Variants in SLC35F1 observed in about 807,000 individuals in gnomAD.
The protein encoded by SLC35F1 is chromosome 6 open reading frame 169.
A neutral mutation model predicts 48.7 loss-of-function variants in SLC35F1; 14 were observed. That is an observed-to-expected ratio of 0.29 (90% CI 0.19 to 0.45). SLC35F1 has a LOEUF of 0.45. Ranked by LOEUF, SLC35F1 falls within the 20% of genes least tolerant of loss-of-function variation. The pLI, the probability that SLC35F1 is intolerant of heterozygous loss-of-function variation, is 1.00. For synonymous variants in SLC35F1, 190 were observed against 202.2 expected (o/e 0.94, Z 0.51); for missense variants, 404 against 500.0 (o/e 0.81, Z 1.83).
chr6:118,068,679 C>T (rs1772653899), intron 1 of SLC35F1, among the ~76,000 whole-genome samples: 1 of 152,100 alleles, frequency 6.6e-6, no homozygotes, highest in African/African-American at 2.4e-5. Flanking sequence ...TTAGAGACAA[C>T]CATAACCAAA....
chr6:118,215,687 G>A (rs74956872), intron 2 of SLC35F1, among the ~76,000 whole-genome samples: 2,907 of 152,284 alleles, frequency 0.019, 65 homozygotes, highest in Middle Eastern at 0.048. Context: ...AAAATGGCCT[G>A]TTTATCCTAG....
chr6:118,008,353 G>A (rs1264862881), intron 1 of SLC35F1, among the ~76,000 whole-genome samples: 2 of 152,166 alleles, frequency 1.3e-5, no homozygotes, highest in East Asian at 1.9e-4. Context: ...AGATTATGTA[G>A]GGTGTGCACA....
chr6:117,945,992 T>C (rs75488357), intron 1 of SLC35F1, among the ~76,000 whole-genome samples: 3,042 of 152,298 alleles, frequency 0.02, 40 homozygotes, highest in Non-Finnish European at 0.032. Flanking sequence ...GTTTTGAAAG[T>C]AATTGCAGTT....
At chr6:118,045,912 G>A (rs1772292556) in intron 1 of SLC35F1, among the ~76,000 whole-genome samples, 1 of 151,948 alleles carries the variant, frequency 6.6e-6, no homozygotes, top group Admixed American at 6.6e-5. Flanking sequence ...GCTAATCTCT[G>A]GGTTGACCCC....
intron 2 of SLC35F1, among the ~76,000 whole-genome samples, chr6:118,160,213 C>T (rs1774209954): frequency 6.6e-6 from 1 of 152,026 alleles, no homozygotes; most frequent in African/African-American, 2.4e-5. Context: ...AAAATGTTGC[C>T]ATCATTGAGT....
At position 118,217,444 on chromosome 6, in the gene SLC35F1, G is replaced by A. The variant is rs543951558; in HGVS notation, c.350-18065G>A. Among the ~76,000 whole-genome samples the A allele has an allele frequency of 2.6e-5, 4 of 152,276 alleles. No individual in the cohort carries two copies. The East Asian group carries it at 7.7e-4, about 29-fold the overall frequency. ...TAGAATCATCAAATTCATAGAGACA[G>A]GAAGTAGAACAATGGCTCCTAATGG... On this transcript the variant is annotated intron_variant, in intron 2 of 7. Coordinates refer to ENST00000360388, the MANE Select transcript of SLC35F1 (RefSeq NM_001029858.4).
At chr6:118,015,650 A>T (rs1330207004) in intron 1 of SLC35F1, among the ~76,000 whole-genome samples, 1 of 152,130 alleles carries the variant, frequency 6.6e-6, no homozygotes, top group African/African-American at 2.4e-5. Context: ...CTTTTCACCC[A>T]TTCTGAAAAC....
intron 2 of SLC35F1, among the ~76,000 whole-genome samples, chr6:118,184,025 C>T (rs59568380): frequency 0.019 from 2,836 of 152,258 alleles, 111 homozygotes; most frequent in African/African-American, 0.065. Flanking sequence ...TGTCAAATTG[C>T]TAGTGAATCG....
At chr6:118,241,714 C>A (rs1775443798) in intron 3 of SLC35F1, among the ~76,000 whole-genome samples, 1 of 152,104 alleles carries the variant, frequency 6.6e-6, no homozygotes, top group Non-Finnish European at 1.5e-5. Flanking sequence ...CTTGGAGCTA[C>A]CCCTGTGAAG....
intron 1 of SLC35F1, among the ~76,000 whole-genome samples, chr6:118,114,539 AT>A (rs386408393): frequency 5.4e-5 from 8 of 148,590 alleles, no homozygotes; most frequent in South Asian, 2.1e-4. Context: ...ACGCCCAGCT[AT>A]TTTTTTTTTG....
chr6:118,298,646 A>T (rs746799136), intron 7 of SLC35F1, among the ~76,000 whole-genome samples: 3 of 152,212 alleles, frequency 2.0e-5, no homozygotes, highest in Non-Finnish European at 2.9e-5. Context: ...GTTAATCTCC[A>T]GAGTCAGCCA....
chr6:118,149,435 T>C (rs1406721674), intron 1 of SLC35F1, among the ~76,000 whole-genome samples: 1 of 152,170 alleles, frequency 6.6e-6, no homozygotes, highest in African/African-American at 2.4e-5. Flanking sequence ...GAGAATTTGA[T>C]CAGGGCAAGA....
intron 1 of SLC35F1, among the ~76,000 whole-genome samples, chr6:118,077,460 T>A (rs1188154209): frequency 6.6e-6 from 1 of 152,222 alleles, no homozygotes; most frequent in Non-Finnish European, 1.5e-5. Flanking sequence ...AGTTGAAAGT[T>A]TGTAAGTTCA....
At chr6:118,118,399 C>T (rs1347894849) in intron 1 of SLC35F1, among the ~76,000 whole-genome samples, 9 of 152,164 alleles carry the variant, frequency 5.9e-5, no homozygotes, top group Non-Finnish European at 2.9e-5. Flanking sequence ...ATTATTGACC[C>T]TTGTTACCAT....
rs1036828662 is a variant in SLC35F1, at chr6:117,993,939, T to C, written c.173+86040T>C. 1.3e-5 allele frequency among the ~76,000 whole-genome samples: 2 copies of C among 152,300 alleles called. 1 individual carries two copies. The highest frequency in any genetic ancestry group is 1.3e-4 in the Admixed American group (2 of 15,300). ...CTTGAAACAATGCAAATTTGTTATT[T>C]CACGGTTCTTCAGGTCAGAAGTCTG... is the stretch of plus-strand genomic sequence containing the variant. On this transcript the variant is annotated intron_variant, in intron 1 of 7. Transcript: ENST00000360388.
intron 1 of SLC35F1, among the ~76,000 whole-genome samples, chr6:117,998,492 A>T (rs1777035277): frequency 6.6e-6 from 1 of 152,162 alleles, no homozygotes; most frequent in South Asian, 2.1e-4. Context: ...GCACCACACC[A>T]CACCTATTCC....
intron 2 of SLC35F1, among the ~76,000 whole-genome samples, chr6:118,189,437 T>C (rs950615126): frequency 6.6e-6 from 1 of 152,216 alleles, no homozygotes. Flanking sequence ...TCAGGTACTT[T>C]GCCCATTTTT....
rs1027705340 is a variant in SLC35F1, at chr6:117,907,483, C to T, written c.-244C>T. 1.1e-5 allele frequency: 3 copies of T among 263,782 alleles called. No individual in the cohort carries two copies. The highest frequency in any genetic ancestry group is 7.4e-5 in the East Asian group (1 of 13,472). 16.3% of individuals were successfully genotyped at this position (263,782 alleles called of 1,614,324 possible). On this transcript the variant is annotated 5_prime_UTR_variant, in exon 1 of 8. Coordinates refer to ENST00000360388, the MANE Select transcript of SLC35F1 (RefSeq NM_001029858.4). Reference sequence around the variant, plus strand: ...GGACGCGGCTCGGGAAGAGCCGGGGCGGGCGGCGGCGGCGGCGGCACGGGC... The same window carrying T: ...GGACGCGGCTCGGGAAGAGCCGGGGTGGGCGGCGGCGGCGGCGGCACGGGC...
chr6:118,132,423 T>TA, intron 1 of SLC35F1, among the ~76,000 whole-genome samples: 1 of 152,264 alleles, frequency 6.6e-6, no homozygotes, highest in Non-Finnish European at 1.5e-5. Context: ...TCAGATTACG[T>TA]TTTTTTGCCA....
Sources: allele counts gnomAD v4.1 joint callset (sites outside exome capture counted in the v4.1 genomes callset), GRCh38; gene constraint gnomAD v4.1.1; transcripts MANE v1.5; gene names NCBI Gene and HGNC (gene_info 2026-07-23, HGNC 2026-07-21).